The following SUCLG2 variants were observed in gnomAD, a reference collection of about 807,000 sequenced individuals.
The protein encoded by SUCLG2 is succinate-CoA ligase GDP-forming subunit beta.
A neutral mutation model predicts 47.9 loss-of-function variants in SUCLG2; 42 were observed. The ratio of observed to expected loss-of-function variants is 0.88; its 90% CI spans 0.69 to 1.14. The LOEUF (loss-of-function observed/expected upper bound fraction) is 1.14, where lower values mean the gene tolerates loss of function less well. Ranked by LOEUF, SUCLG2 falls within the 50% of genes most tolerant of loss-of-function variation. The pLI is 0.00. For synonymous variants in SUCLG2, 195 were observed against 197.3 expected (o/e 0.99, Z 0.10); for missense variants, 571 against 525.9 (o/e 1.09, Z -0.84).
chr3:67,475,315 C>A (rs371299093), intron 9 of SUCLG2, among the ~76,000 whole-genome samples: 18 of 152,252 alleles, frequency 1.2e-4, no homozygotes, highest in South Asian at 1.0e-3. Flanking sequence ...TGTAAGAAAA[C>A]TGAGTGATTT....
intron 9 of SUCLG2, among the ~76,000 whole-genome samples, chr3:67,448,178 G>T (rs1418350917): frequency 6.6e-6 from 1 of 152,016 alleles, no homozygotes; most frequent in Non-Finnish European, 1.5e-5. Flanking sequence ...AAAAAACTAT[G>T]AATAACTTAA....
At chr3:67,473,648 C>T (rs1357682493) in intron 9 of SUCLG2, among the ~76,000 whole-genome samples, 1 of 152,098 alleles carries the variant, frequency 6.6e-6, no homozygotes, top group Non-Finnish European at 1.5e-5. Context: ...TGAATTTTGA[C>T]CCAACTTCAT....
At chr3:67,499,576 G>A (rs529641157) in intron 7 of SUCLG2, among the ~76,000 whole-genome samples, 2 of 152,104 alleles carry the variant, frequency 1.3e-5, no homozygotes, top group Non-Finnish European at 2.9e-5. Flanking sequence ...TTGATTTACA[G>A]ATCTCCTATA....
chr3:67,654,607 C>G lies in SUCLG2; in HGVS notation c.-21G>C. On this transcript the variant is annotated 5_prime_UTR_variant, in exon 1 of 11. Transcript: ENST00000307227. ...GCCATCTTAAACAGGAAACTCGGCA[C>G]GGGGCAGTAGGGCGGGCGCGGGCAG... 7.9e-7 allele frequency: 1 copy of G among 1,264,208 alleles called. No individual in the cohort carries two copies. The highest frequency in any genetic ancestry group is 1.0e-6 in the Non-Finnish European group (1 of 1,002,958). 78.3% of individuals were successfully genotyped at this position (1,264,208 alleles called of 1,614,324 possible).
intron 1 of SUCLG2, among the ~76,000 whole-genome samples, chr3:67,629,384 T>TA (rs1241814822): frequency 3.3e-5 from 5 of 152,156 alleles, no homozygotes; most frequent in Admixed American, 2.6e-4. Context: ...TCAGGTTCAA[T>TA]AAGTCACTAG....
At chr3:67,386,452 A>G (rs1296744858) in intron 10 of SUCLG2, among the ~76,000 whole-genome samples, 1 of 151,916 alleles carries the variant, frequency 6.6e-6, no homozygotes, top group Non-Finnish European at 1.5e-5. Context: ...CTACTGTATT[A>G]GTCTGTTCTC....
chr3:67,596,639 C>G (rs1310399120), intron 2 of SUCLG2, among the ~76,000 whole-genome samples: 1 of 152,116 alleles, frequency 6.6e-6, no homozygotes, highest in African/African-American at 2.4e-5. Context: ...TTGGAAGCAC[C>G]AACTATTTGT....
chr3:67,613,606 G>T (rs1361180910), intron 1 of SUCLG2, among the ~76,000 whole-genome samples: 2 of 152,134 alleles, frequency 1.3e-5, no homozygotes, highest in Non-Finnish European at 2.9e-5. Context: ...TATACCAAGT[G>T]ACTTTACGTA....
intron 2 of SUCLG2, among the ~76,000 whole-genome samples, chr3:67,595,765 C>A (rs976348904): frequency 6.6e-6 from 1 of 152,198 alleles, no homozygotes; most frequent in Non-Finnish European, 1.5e-5. Flanking sequence ...AAACACTTAA[C>A]AGTGTTTATT....
intron 9 of SUCLG2, among the ~76,000 whole-genome samples, chr3:67,419,518 C>T (rs1197292958): frequency 6.6e-5 from 10 of 152,072 alleles, no homozygotes; most frequent in Admixed American, 5.2e-4. Flanking sequence ...TATGAATGTG[C>T]TTTCATTAGC....
chr3:67,482,891 A>T (rs1214953824), intron 9 of SUCLG2, among the ~76,000 whole-genome samples: 1 of 152,228 alleles, frequency 6.6e-6, no homozygotes, highest in African/African-American at 2.4e-5. Context: ...ATTAGAGCAG[A>T]CACCTAAACG....
At chr3:67,626,662 C>T (rs1339619823) in intron 1 of SUCLG2, among the ~76,000 whole-genome samples, 1 of 152,094 alleles carries the variant, frequency 6.6e-6, no homozygotes, top group Non-Finnish European at 1.5e-5. Context: ...CGCCTGTAAT[C>T]CCAGCACTTT....
In SUCLG2 at chr3:67,650,987, A is replaced by G. The variant is rs190353234; in HGVS notation, c.84+3516T>C. Among the ~76,000 whole-genome samples the G allele has an allele frequency of 1.3e-3, 195 of 148,928 alleles. 2 individuals carry two copies. The highest frequency in any genetic ancestry group is 1.7e-3 in the East Asian group (9 of 5,176). On this transcript the variant is annotated intron_variant, in intron 1 of 10. Transcript: ENST00000307227. ...CCATGGCAGTGCCTGGCTATATTAC[A>G]CCACCAAGTACTGCACACACTTTTC...
chr3:67,652,626 G>A (rs763538018), intron 1 of SUCLG2, among the ~76,000 whole-genome samples: 4 of 152,154 alleles, frequency 2.6e-5, no homozygotes, highest in South Asian at 2.1e-4. Flanking sequence ...TGACTTGGAT[G>A]TTATATAGTT....
At chr3:67,368,346 T>G (rs1466950102) in intron 10 of SUCLG2, among the ~76,000 whole-genome samples, 1 of 152,230 alleles carries the variant, frequency 6.6e-6, no homozygotes, top group Non-Finnish European at 1.5e-5. Flanking sequence ...AGTGTTTCTT[T>G]TCAGTCTTTT....
At chr3:67,547,370 T>A (rs992979405) in intron 2 of SUCLG2, among the ~76,000 whole-genome samples, 2 of 152,216 alleles carry the variant, frequency 1.3e-5, no homozygotes, top group African/African-American at 4.8e-5. Context: ...ACTAAGATAC[T>A]CCCTGAACAC....
intron 10 of SUCLG2, 68 bp downstream of exon 10, chr3:67,400,663 C>G (rs1052054793): frequency 1.9e-6 from 3 of 1,583,474 alleles, no homozygotes; most frequent in Non-Finnish European, 2.6e-6. Context: ...GTTTGTGAAT[C>G]CAGAACATGC....
chr3:67,360,876 A>G (rs1334907452), intron 10 of SUCLG2: 1 of 917,854 alleles, frequency 1.1e-6, no homozygotes, highest in East Asian at 2.8e-5. Context: ...TCCTTAATGG[A>G]AACATCGTGT....
chr3:67,566,079 C>T (rs1454638597), intron 2 of SUCLG2, among the ~76,000 whole-genome samples: 3 of 152,198 alleles, frequency 2.0e-5, no homozygotes, highest in Admixed American at 1.3e-4. Context: ...CACACCTGTC[C>T]ACTTAAGACA....
Sources: allele counts gnomAD v4.1 joint callset (sites outside exome capture counted in the v4.1 genomes callset), GRCh38; gene constraint gnomAD v4.1.1; transcripts MANE v1.5; gene names NCBI Gene and HGNC (gene_info 2026-07-23, HGNC 2026-07-21).